The following NAALADL2 variants were observed in gnomAD, a reference collection of about 807,000 sequenced individuals.
NAALADL2 encodes inactive N-acetylated-alpha-linked acidic dipeptidase-like protein 2.
In NAALADL2, 76 loss-of-function variants were observed where a neutral mutation model predicts 87.2. The ratio of observed to expected loss-of-function variants is 0.87; its 90% CI spans 0.72 to 1.05. The LOEUF (loss-of-function observed/expected upper bound fraction) is 1.05. Ranked by LOEUF, NAALADL2 falls within the 50% of genes least tolerant of loss-of-function variation. The pLI is 0.00. For synonymous variants in NAALADL2, 354 were observed against 331.0 expected (o/e 1.07, Z -0.75); for missense variants, 1,089 against 945.8 (o/e 1.15, Z -1.99).
chr3:174,951,523 C>T (rs1294769160), intron 1 of NAALADL2, among the ~76,000 whole-genome samples: 2 of 151,948 alleles, frequency 1.3e-5, no homozygotes, highest in African/African-American at 2.4e-5. Flanking sequence ...GTTCTCCTTC[C>T]CTTCTTTCTC....
chr3:174,477,289 C>G (rs1308956295), intron 1 of NAALADL2, among the ~76,000 whole-genome samples: 1 of 152,076 alleles, frequency 6.6e-6, no homozygotes, highest in African/African-American at 2.4e-5. Flanking sequence ...CTTATGATTC[C>G]TAGTCCTGAG....
chr3:174,853,505 G>A (rs1215741460), intron 3 of NAALADL2, among the ~76,000 whole-genome samples: 6 of 151,718 alleles, frequency 4.0e-5, no homozygotes, highest in Non-Finnish European at 5.9e-5. Context: ...CCTCAAAAGC[G>A]GAGGCAACCA....
chr3:175,596,157 T>C (rs1722218498), intron 10 of NAALADL2, among the ~76,000 whole-genome samples: 2 of 151,998 alleles, frequency 1.3e-5, no homozygotes, highest in Admixed American at 1.3e-4. Flanking sequence ...TGAATTGCTG[T>C]GCATTTGTTT....
rs936434984 is a variant in NAALADL2 at position 175,110,293 on chromosome 3, A to G, written c.545+13002A>G. Among the ~76,000 whole-genome samples, 7 of 151,872 alleles carry G rather than the reference A, an allele frequency of 4.6e-5. No homozygotes were observed. In the East Asian group the frequency reaches 9.6e-4, roughly 21 times the overall value. ...AAATTAGTTGAACTTTGCTAATTAT[A>G]TACAATTATGATATGATGACCAGTG... On this transcript the variant is annotated intron_variant, in intron 2 of 13. Coordinates refer to ENST00000454872, the MANE Select transcript of NAALADL2 (RefSeq NM_207015.3).
At chr3:175,107,315 G>C (rs1020128566) in intron 2 of NAALADL2, among the ~76,000 whole-genome samples, 1 of 151,908 alleles carries the variant, frequency 6.6e-6, no homozygotes, top group Non-Finnish European at 1.5e-5. Flanking sequence ...CTTTAATAGG[G>C]AAAGACTGTC....
intron 2 of NAALADL2, among the ~76,000 whole-genome samples, chr3:174,669,078 C>T (rs1473619166): frequency 6.6e-6 from 1 of 152,084 alleles, no homozygotes; most frequent in African/African-American, 2.4e-5. Context: ...CTCTCCAGCA[C>T]CTGTTGTTTC....
At chr3:175,641,672 C>T (rs1729305738) in intron 11 of NAALADL2, among the ~76,000 whole-genome samples, 1 of 152,182 alleles carries the variant, frequency 6.6e-6, no homozygotes. Flanking sequence ...ACCAGTTTCA[C>T]ATTTGTCTTC....
chr3:175,614,095 CAGGTTGG>C (rs1725020591), intron 10 of NAALADL2, among the ~76,000 whole-genome samples: 1 of 152,180 alleles, frequency 6.6e-6, no homozygotes, highest in South Asian at 2.1e-4. Flanking sequence ...CTCCGTCACC[CAGGTTGG>C]AATGCAGTGG....
At chr3:174,837,425 C>A (rs989875726) in intron 3 of NAALADL2, among the ~76,000 whole-genome samples, 14 of 152,242 alleles carry the variant, frequency 9.2e-5, no homozygotes, top group African/African-American at 3.1e-4. Flanking sequence ...AAGATACAAC[C>A]TTTTTATCTT....
At chr3:175,220,783 G>A (rs187570862) in intron 2 of NAALADL2, among the ~76,000 whole-genome samples, 23 of 151,878 alleles carry the variant, frequency 1.5e-4, no homozygotes, top group South Asian at 1.2e-3. Flanking sequence ...AATCTAGATC[G>A]TTTATCTTTT....
intron 4 of NAALADL2, among the ~76,000 whole-genome samples, chr3:175,299,075 G>C (rs1756715803): frequency 6.6e-6 from 1 of 152,108 alleles, no homozygotes; most frequent in African/African-American, 2.4e-5. Context: ...AAGATCAAAT[G>C]GTTGTAGATG....
intron 13 of NAALADL2, among the ~76,000 whole-genome samples, chr3:175,771,040 G>C (rs1749417183): frequency 6.6e-6 from 1 of 152,170 alleles, no homozygotes; most frequent in African/African-American, 2.4e-5. Context: ...TTCAGACATA[G>C]AGAGTTAAGA....
intron 3 of NAALADL2, among the ~76,000 whole-genome samples, chr3:174,785,721 C>T (rs1026440887): frequency 3.3e-5 from 5 of 152,126 alleles, no homozygotes; most frequent in Non-Finnish European, 7.3e-5. Context: ...ACACAGAATA[C>T]AGTCATAGTG....
intron 5 of NAALADL2, among the ~76,000 whole-genome samples, chr3:175,420,282 G>T (rs558059644): frequency 6.6e-6 from 1 of 151,944 alleles, no homozygotes; most frequent in Non-Finnish European, 1.5e-5. Flanking sequence ...CACTTTCATC[G>T]TCTATCTCTG....
intron 11 of NAALADL2, among the ~76,000 whole-genome samples, chr3:175,725,580 G>C (rs1340126947): frequency 6.6e-6 from 1 of 151,990 alleles, no homozygotes; most frequent in Non-Finnish European, 1.5e-5. Context: ...TTCACATTTG[G>C]TAAATATTGG....
Position 174,710,230 on chromosome 3 carries a change from C to CTTT in NAALADL2, c.-114-27399_-114-27397dup, listed in dbSNP as rs57899491. 9.4e-3 allele frequency among the ~76,000 whole-genome samples: 1,280 copies of CTTT among 136,330 alleles called. 10 individuals are homozygous for CTTT. Among genetic ancestry groups the CTTT allele is most frequent in the South Asian group, 0.015 (64 of 4,186 alleles). 89.4% of individuals were successfully genotyped at this position (136,330 alleles called of 152,430 possible). A position where few individuals can be genotyped will look rare whatever the true frequency, so the allele number is the denominator to read the frequency against. On this transcript the variant is annotated intron_variant, in intron 2 of 3. Transcript: ENST00000434257. ...GTAGTCAACTAGTCATATGAGCCTC[C>CTTT]TTTTTTTTTTTTTTCTTTTTCTTTT...
At chr3:175,590,211 AATATATATAT>A (rs66991809) in intron 10 of NAALADL2, among the ~76,000 whole-genome samples, 37 of 5,872 alleles carry the variant, frequency 6.3e-3, no homozygotes, top group South Asian at 0.021. Context: ...GACTCCGTCT[AATATATATAT>A]ATATATATAT....
At chr3:175,531,224 G>A (rs185072860) in intron 9 of NAALADL2, among the ~76,000 whole-genome samples, 27 of 152,242 alleles carry the variant, frequency 1.8e-4, no homozygotes, top group Non-Finnish European at 3.4e-4. Flanking sequence ...AACACACCGA[G>A]ATGAGGAATG....
chr3:175,541,288 T>G (rs922319028), intron 9 of NAALADL2, among the ~76,000 whole-genome samples: 1 of 152,184 alleles, frequency 6.6e-6, no homozygotes, highest in Non-Finnish European at 1.5e-5. Context: ...GTTCCTCAAT[T>G]TATGATGGAG....
Sources: gnomAD v4.1 joint callset for allele counts (sites outside exome capture counted in the v4.1 genomes callset) on GRCh38, gnomAD v4.1.1 for gene constraint, MANE v1.5 for transcripts, NCBI Gene and HGNC (gene_info 2026-07-23, HGNC 2026-07-21) for gene names.